The following SEMA5A variants were observed in gnomAD, a reference collection of about 807,000 sequenced individuals.
SEMA5A encodes the protein semaphorin 5A, also known as semaphorin-5A.
In SEMA5A, 55 loss-of-function variants were observed where a neutral mutation model predicts 135.5. The observed-to-expected ratio is 0.41, with a 90% CI of 0.33 to 0.51. The LOEUF is 0.51. SEMA5A is among the 20% of genes least tolerant of loss of function. The probability of loss-of-function intolerance (pLI) is 0.37; values close to 1 mark genes in which losing one functional copy is unlikely to be tolerated. For missense variants in SEMA5A, 1,290 were observed against 1,419.9 expected, an observed-to-expected ratio of 0.91 and a Z score of 1.47; for synonymous variants, 580 against 546.5, an observed-to-expected ratio of 1.06 and a Z score of -0.85.
chr5:9,405,538 CAG>C (rs1336937347), intron 2 of SEMA5A, among the ~76,000 whole-genome samples: 7 of 152,132 alleles, frequency 4.6e-5, no homozygotes, highest in Admixed American at 4.6e-4. Flanking sequence ...CAAACCTGAA[CAG>C]AGCTGAGTCA....
chr5:9,047,050 C>T (rs748497043), intron 21 of SEMA5A, among the ~76,000 whole-genome samples: 2 of 152,144 alleles, frequency 1.3e-5, no homozygotes, highest in African/African-American at 2.4e-5. Flanking sequence ...GATAAAGTAT[C>T]CAGGGGACAT....
intron 1 of SEMA5A, among the ~76,000 whole-genome samples, chr5:9,499,177 ACT>A (rs1735458481): frequency 6.6e-6 from 1 of 152,070 alleles, no homozygotes; most frequent in Admixed American, 6.6e-5. Context: ...CCCTAGAGAC[ACT>A]CTTCACAATA....
chr5:9,268,419 G>A (rs933090727), intron 5 of SEMA5A, among the ~76,000 whole-genome samples: 6 of 152,120 alleles, frequency 3.9e-5, no homozygotes, highest in African/African-American at 1.4e-4. Flanking sequence ...ATTCACTGAG[G>A]AAAACACAGA....
At position 9,230,601 on chromosome 5, in the gene SEMA5A, C is replaced by T. The variant is rs201347753; in HGVS notation, c.334-3634G>A. Among the ~76,000 whole-genome samples, 9 of 152,086 alleles carry T rather than the reference C, an allele frequency of 5.9e-5. No individual in the cohort carries two copies. In the East Asian group the frequency reaches 7.7e-4, roughly 13 times the overall value. On this transcript the variant is annotated intron_variant, in intron 6 of 22. Coordinates refer to ENST00000382496, the MANE Select transcript of SEMA5A (RefSeq NM_003966.3). ...ATCCCCATGTGTCACTGGTGTTCTT[C>T]GCAGAACGGAGTGAGTGTGTGGAAA... is the stretch of plus-strand genomic sequence containing the variant.
At chr5:9,435,219 G>A (rs943220628) in intron 2 of SEMA5A, among the ~76,000 whole-genome samples, 21 of 152,082 alleles carry the variant, frequency 1.4e-4, no homozygotes, top group Admixed American at 1.3e-3. Context: ...CAAGATAATT[G>A]CATGTTTACC....
chr5:9,412,252 C>T (rs2126606546), intron 2 of SEMA5A, among the ~76,000 whole-genome samples: 1 of 151,922 alleles, frequency 6.6e-6, no homozygotes. Flanking sequence ...TTACAGAATA[C>T]CCTTTCCTTT....
At chr5:9,358,015 C>T (rs1320462137) in intron 3 of SEMA5A, among the ~76,000 whole-genome samples, 4 of 152,176 alleles carry the variant, frequency 2.6e-5, no homozygotes, top group Non-Finnish European at 5.9e-5. Context: ...TAGACTGAGA[C>T]AGTGGATCAT....
chr5:9,497,926 A>G (rs1479705117), intron 1 of SEMA5A, among the ~76,000 whole-genome samples: 2 of 152,086 alleles, frequency 1.3e-5, no homozygotes, highest in Admixed American at 6.5e-5. Context: ...ATTATGTGCA[A>G]CTCCTTGGGG....
chr5:9,420,679 C>A (rs1464638431), intron 2 of SEMA5A, among the ~76,000 whole-genome samples: 1 of 152,160 alleles, frequency 6.6e-6, no homozygotes, highest in African/African-American at 2.4e-5. Flanking sequence ...GACAGTCTTA[C>A]TTGTCACCAG....
chr5:9,059,324 G>A (rs1737059046), intron 18 of SEMA5A, among the ~76,000 whole-genome samples: 1 of 152,140 alleles, frequency 6.6e-6, no homozygotes, highest in Non-Finnish European at 1.5e-5. Flanking sequence ...AATCAAATAT[G>A]CATTGAGGAA....
chr5:9,210,137 A>C (rs995523981), intron 8 of SEMA5A, among the ~76,000 whole-genome samples: 2 of 152,206 alleles, frequency 1.3e-5, no homozygotes, highest in South Asian at 2.1e-4. Context: ...TATCCCCATA[A>C]TGTGGTAGCA....
intron 16 of SEMA5A, among the ~76,000 whole-genome samples, chr5:9,084,560 C>T (rs944872006): frequency 6.6e-6 from 1 of 152,168 alleles, no homozygotes; most frequent in Non-Finnish European, 1.5e-5. Context: ...TGCATGAGCC[C>T]TCTTCTCTTG....
intron 2 of SEMA5A, among the ~76,000 whole-genome samples, chr5:9,416,048 T>G (rs747589746): frequency 2.6e-5 from 4 of 152,226 alleles, no homozygotes; most frequent in Non-Finnish European, 4.4e-5. Context: ...GAGAAGACTT[T>G]CTACTTGTTG....
chr5:9,053,406 T>A (rs3777239), intron 19 of SEMA5A, among the ~76,000 whole-genome samples: 1 of 152,366 alleles, frequency 6.6e-6, no homozygotes, highest in South Asian at 2.1e-4. Context: ...GTTTCTGTTG[T>A]TTGCTGTGCT....
chr5:9,167,549 G>A (rs764221929), intron 11 of SEMA5A, among the ~76,000 whole-genome samples: 1 of 152,046 alleles, frequency 6.6e-6, no homozygotes, highest in Admixed American at 6.6e-5. Context: ...GAACACCCCA[G>A]GACTTTCTAG....
intron 6 of SEMA5A, among the ~76,000 whole-genome samples, chr5:9,232,324 C>T (rs1000195961): frequency 3.9e-5 from 6 of 152,082 alleles, no homozygotes; most frequent in African/African-American, 1.2e-4. Context: ...TCATAGTGCT[C>T]CCAGTGAAAT....
At chr5:9,352,830 C>A (rs1034087414) in intron 3 of SEMA5A, among the ~76,000 whole-genome samples, 1 of 152,050 alleles carries the variant, frequency 6.6e-6, no homozygotes, top group African/African-American at 2.4e-5. Flanking sequence ...TACATATGTT[C>A]TATGGCTGGA....
rs1309250294 is a variant in SEMA5A at position 9,038,888 on chromosome 5, TG to T, written c.*4008del. 6.6e-6 allele frequency: 1 copy of T among 151,964 alleles called. No homozygotes were observed. The highest frequency in any genetic ancestry group is 1.5e-5 in the Non-Finnish European group (1 of 68,046). The allele number at this position is 151,964 out of a possible 1,614,324, so 9.4% of individuals were successfully genotyped here. A position where few individuals can be genotyped will look rare whatever the true frequency, so the allele number is the denominator to read the frequency against. Reference sequence around the variant, plus strand: ...GACCACAGGCACGCACCACGATGGCTGGCTAATATTTTGTATATTTTGTAGA... The same window carrying T: ...GACCACAGGCACGCACCACGATGGCTGCTAATATTTTGTATATTTTGTAGA... On this transcript the variant is annotated 3_prime_UTR_variant, in exon 23 of 23. Transcript: ENST00000382496.
At chr5:9,143,493 C>A (rs1218118871) in intron 12 of SEMA5A, among the ~76,000 whole-genome samples, 1 of 152,164 alleles carries the variant, frequency 6.6e-6, no homozygotes, top group Non-Finnish European at 1.5e-5. Flanking sequence ...TATACTGGCA[C>A]TAATATTAAG....
Sources: allele counts gnomAD v4.1 joint callset (sites outside exome capture counted in the v4.1 genomes callset), GRCh38; gene constraint gnomAD v4.1.1; transcripts MANE v1.5; gene names NCBI Gene and HGNC (gene_info 2026-07-23, HGNC 2026-07-21).